SLC37A3: variants seen among roughly 807,000 people sequenced by gnomAD.
SLC37A3 encodes the protein solute carrier family 37 member 3, also known as sugar phosphate exchanger 3.
Under a neutral mutation model 67.1 loss-of-function variants are expected in SLC37A3, and 51 were observed. The ratio of observed to expected loss-of-function variants is 0.76; its 90% confidence interval spans 0.61 to 0.96. The LOEUF (loss-of-function observed/expected upper bound fraction) is 0.96. SLC37A3 is among the 40% of genes least tolerant of loss of function. The pLI is 0.00. For missense variants in SLC37A3, 508 were observed against 603.0 expected (o/e 0.84, Z 1.65); for synonymous variants, 214 against 231.4 (o/e 0.92, Z 0.68).
At position 140,350,268 on chromosome 7, in the gene SLC37A3, A is replaced by G. The variant is rs370417854; in HGVS notation, c.882+1005T>C. On this transcript the variant is annotated intron_variant, in intron 9 of 14. Coordinates refer to ENST00000326232, the MANE Select transcript of SLC37A3 (RefSeq NM_207113.3). ...GCGTGACTCACCCCAGGTGTCACAGAAAGTTAGTGGGTAAGCTGGAAACAT... is the reference window on the plus strand; with the variant it reads ...GCGTGACTCACCCCAGGTGTCACAGGAAGTTAGTGGGTAAGCTGGAAACAT... Among the ~76,000 whole-genome samples the G allele has an allele frequency of 4.6e-5, 7 of 152,322 alleles. No individual in the cohort carries two copies. In the East Asian group the frequency reaches 1.3e-3, roughly 29 times the overall value.
intron 1 of SLC37A3, among the ~76,000 whole-genome samples, chr7:140,396,936 T>C (rs1354928665): frequency 6.9e-6 from 1 of 144,724 alleles, no homozygotes; most frequent in East Asian, 2.1e-4. Flanking sequence ...GCGCAGTGGC[T>C]CACGCCTGTA....
At chr7:140,392,642 G>A (rs546534033) in intron 1 of SLC37A3, among the ~76,000 whole-genome samples, 1 of 152,308 alleles carries the variant, frequency 6.6e-6, no homozygotes, top group East Asian at 1.9e-4. Context: ...AACCTCTGCA[G>A]GTAAATAGGA....
At chr7:140,370,149 G>GGT (rs1554429664) in intron 3 of SLC37A3, among the ~76,000 whole-genome samples, 21 of 149,206 alleles carry the variant, frequency 1.4e-4, no homozygotes, top group African/African-American at 4.9e-4. Context: ...GAAATAACTA[G>GGT]TTTTTTTTTT....
intron 1 of SLC37A3, among the ~76,000 whole-genome samples, chr7:140,382,961 A>G (rs1183773025): frequency 6.6e-6 from 1 of 152,180 alleles, no homozygotes; most frequent in Non-Finnish European, 1.5e-5. Flanking sequence ...AAATGTAATT[A>G]AGGCAAGAAA....
intron 12 of SLC37A3, among the ~76,000 whole-genome samples, chr7:140,344,985 G>A (rs55656759): frequency 0.093 from 14,190 of 152,098 alleles, 934 homozygotes; most frequent in East Asian, 0.3. Context: ...ATCAAAAATC[G>A]TAGAAAATCT....
chr7:140,388,433 A>G (rs994090673), intron 1 of SLC37A3, among the ~76,000 whole-genome samples: 2 of 151,062 alleles, frequency 1.3e-5, no homozygotes, highest in Non-Finnish European at 3.0e-5. Flanking sequence ...ACCCTGTACC[A>G]AAAAAAAGAG....
chr7:140,342,677 C>CAA (rs11300566), intron 13 of SLC37A3, among the ~76,000 whole-genome samples: 2 of 146,602 alleles, frequency 1.4e-5, no homozygotes, highest in Admixed American at 6.8e-5. Flanking sequence ...TGAATTTATG[C>CAA]AAAAAAAAAA....
At chr7:140,361,404 C>G (rs1797268096) in intron 5 of SLC37A3, among the ~76,000 whole-genome samples, 1 of 151,440 alleles carries the variant, frequency 6.6e-6, no homozygotes, top group African/African-American at 2.4e-5. Flanking sequence ...ATCGCTTGAA[C>G]CTGGGAGGTG....
At chr7:140,335,614 A>G (rs1796104118) in intron 14 of SLC37A3, 110 bp from the exon 15 acceptor site, 1 of 1,307,532 alleles carries the variant, frequency 7.6e-7, no homozygotes, top group Non-Finnish European at 1.0e-6. Flanking sequence ...TTGACTTCAT[A>G]CAAAGATAAT....
intron 6 of SLC37A3, among the ~76,000 whole-genome samples, chr7:140,357,084 G>C (rs936691168): frequency 2.6e-5 from 4 of 151,642 alleles, no homozygotes; most frequent in African/African-American, 9.7e-5. Context: ...CATGGTGGCG[G>C]GCCCCTGTAA....
intron 1 of SLC37A3, among the ~76,000 whole-genome samples, chr7:140,397,943 T>C (rs1316073125): frequency 2.6e-5 from 4 of 152,226 alleles, no homozygotes; most frequent in Non-Finnish European, 5.9e-5. Context: ...TCATGCTAGT[T>C]ACCAGAAAAC....
rs143601115 is a variant in SLC37A3 at position 140,340,350 on chromosome 7, G to A, written c.1327-3001C>T. Among the ~76,000 whole-genome samples the A allele has an allele frequency of 1.7e-3, 238 of 143,656 alleles. 1 individual carries two copies. The highest frequency in any genetic ancestry group is 0.011 in the Middle Eastern group (3 of 272). 94.2% of individuals were successfully genotyped at this position (143,656 alleles called of 152,430 possible). A position where few individuals can be genotyped will look rare whatever the true frequency, so the allele number is the denominator to read the frequency against. On this transcript the variant is annotated intron_variant, in intron 13 of 14. Transcript: ENST00000326232. ...TCAGCTCCAACTTCATTCTTTTCAC[G>A]TGGATATCCAGTTTTCCCAATACTA...
chr7:140,361,549 G>A (rs1201724399), intron 5 of SLC37A3, among the ~76,000 whole-genome samples: 2 of 71,820 alleles, frequency 2.8e-5, no homozygotes, highest in East Asian at 9.9e-4. Context: ...CTCCCTCTCC[G>A]TCTCCCTCTC....
rs73735216 is a variant in SLC37A3 at position 140,365,094 on chromosome 7, G to A, written c.292-603C>T. On this transcript the variant is annotated intron_variant, in intron 4 of 14. Coordinates refer to ENST00000326232, the MANE Select transcript of SLC37A3 (RefSeq NM_207113.3). ...CATCCCAAGGCAGGGAGAGTAGGAA[G>A]GCAGAGACAATAATTAGCTGGAGAC... 5.6e-3 allele frequency among the ~76,000 whole-genome samples: 846 copies of A among 152,256 alleles called. 7 individuals carry two copies. The highest frequency in any genetic ancestry group is 0.019 in the African/African-American group (786 of 41,536).
In SLC37A3 at chr7:140,334,840, G is replaced by T. The variant is rs1476707880; in HGVS notation, c.*572C>A. 9.6e-6 allele frequency: 2 copies of T among 208,458 alleles called. No individual in the cohort carries two copies. The highest frequency in any genetic ancestry group is 2.0e-5 in the Non-Finnish European group (2 of 100,924). 12.9% of individuals were successfully genotyped at this position (208,458 alleles called of 1,614,324 possible). A position where few individuals can be genotyped will look rare whatever the true frequency, so the allele number is the denominator to read the frequency against. ...AGTGACTGAGCCAATCAACAGGCAT[G>T]TAGTGTGATCTTTCCCACCACAGTG... is the stretch of plus-strand genomic sequence containing the variant. On this transcript the variant is annotated 3_prime_UTR_variant, in exon 15 of 15. Coordinates refer to ENST00000326232, the MANE Select transcript of SLC37A3 (RefSeq NM_207113.3).
chr7:140,351,243 T>C, intron 9 of SLC37A3, 30 bp downstream of exon 9: 1 of 1,598,548 alleles, frequency 6.3e-7, no homozygotes, highest in Non-Finnish European at 8.5e-7. Flanking sequence ...CATACCTCCC[T>C]GGCTGTGGTA....
intron 3 of SLC37A3, among the ~76,000 whole-genome samples, chr7:140,373,007 A>G (rs1424070617): frequency 1.3e-5 from 2 of 152,168 alleles, no homozygotes; most frequent in African/African-American, 4.8e-5. Flanking sequence ...GCTGGAGTGC[A>G]ATGGCGCGAT....
At chr7:140,342,814 A>G (rs1796410131) in intron 13 of SLC37A3, among the ~76,000 whole-genome samples, 1 of 152,244 alleles carries the variant, frequency 6.6e-6, no homozygotes, top group Non-Finnish European at 1.5e-5. Flanking sequence ...GAACTCAGCA[A>G]GTCTGTAGTA....
chr7:140,392,932 A>C (rs1034475870), intron 1 of SLC37A3, among the ~76,000 whole-genome samples: 1 of 152,130 alleles, frequency 6.6e-6, no homozygotes, highest in African/African-American at 2.4e-5. Flanking sequence ...TCTCTACTAA[A>C]AATACAAAAA....
Sources: gnomAD v4.1 joint callset for allele counts (sites outside exome capture counted in the v4.1 genomes callset) on GRCh38, gnomAD v4.1.1 for gene constraint, MANE v1.5 for transcripts, NCBI Gene and HGNC (gene_info 2026-07-23, HGNC 2026-07-21) for gene names.